Variants in BRSK2 observed in about 807,000 individuals in gnomAD.
The protein encoded by BRSK2 is serine/threonine-protein kinase BRSK2.
Under a neutral mutation model 83.3 loss-of-function variants are expected in BRSK2, and 19 were observed. The ratio of observed to expected loss-of-function variants is 0.23; its 90% CI spans 0.16 to 0.33. BRSK2 has a LOEUF of 0.33. Ranked by LOEUF, BRSK2 falls within the 10% of genes least tolerant of loss-of-function variation. The pLI, the probability that BRSK2 is intolerant of heterozygous loss-of-function variation, is 1.00. For missense variants in BRSK2, 798 were observed against 1,042.3 expected, an observed-to-expected ratio of 0.77 and a Z score of 3.23; for synonymous variants, 519 against 435.4, an observed-to-expected ratio of 1.19 and a Z score of -2.39.
chr11:1,448,600 C>T (rs368088983), intron 12 of BRSK2, among the ~76,000 whole-genome samples: 27 of 152,298 alleles, frequency 1.8e-4, no homozygotes, highest in South Asian at 1.7e-3. Flanking sequence ...GAGCTCTGGG[C>T]GGGCTCGACA....
At chr11:1,400,768 G>A (rs1477789710) in intron 1 of BRSK2, among the ~76,000 whole-genome samples, 4 of 152,214 alleles carry the variant, frequency 2.6e-5, no homozygotes, top group East Asian at 3.9e-4. Flanking sequence ...TGGGCCCTGC[G>A]GCCACCCACC....
intron 9 of BRSK2, 48 bp downstream of exon 9, chr11:1,445,050 G>A (rs1355214897): frequency 3.8e-6 from 6 of 1,594,900 alleles, no homozygotes; most frequent in East Asian, 2.2e-5. Flanking sequence ...CTGTTGCTGT[G>A]GCCTGGAGGC....
intron 1 of BRSK2, among the ~76,000 whole-genome samples, chr11:1,411,821 C>G (rs1367874634): frequency 6.6e-6 from 1 of 152,230 alleles, no homozygotes; most frequent in Non-Finnish European, 1.5e-5. Flanking sequence ...GGCGCCTGCC[C>G]CTATGTGGAG....
In BRSK2 at chr11:1,454,709, C is replaced by T. The variant is rs756693941; in HGVS notation, c.1668+101C>T. 5.6e-5 allele frequency: 81 copies of T among 1,445,678 alleles called. No individual in the cohort carries two copies. The East Asian group carries it at 8.5e-4, about 15-fold the overall frequency. The allele number at this position is 1,445,678 out of a possible 1,614,324, so 89.6% of individuals were successfully genotyped here. A position where few individuals can be genotyped will look rare whatever the true frequency, so the allele number is the denominator to read the frequency against. On this transcript the variant is annotated intron_variant, in intron 16 of 19. Coordinates refer to ENST00000528841, the MANE Select transcript of BRSK2 (RefSeq NM_001256627.2). This position sits in a 1 kb window ranked among gnomAD's most constrained non-coding sequence, Gnocchi z 5.2. Reference sequence around the variant, plus strand: ...CTCACGTAGACAGGACATGTCCACGCGCACAGCACGGACGTCCGCTCACCC... The same window carrying T: ...CTCACGTAGACAGGACATGTCCACGTGCACAGCACGGACGTCCGCTCACCC...
rs1235675142 is a variant in BRSK2, at chr11:1,443,318, G to A, written c.565-17G>A. 6.2e-7 allele frequency: 1 copy of A among 1,601,726 alleles called. No homozygotes were observed. The highest frequency in any genetic ancestry group is 1.3e-5 in the African/African-American group (1 of 74,710). ...CTGCCCTGCGCCCCCCAACAGCCCGGGCACTGCTGTCCACAGGGGGAGAAG... is the reference window on the plus strand; with the variant it reads ...CTGCCCTGCGCCCCCCAACAGCCCGAGCACTGCTGTCCACAGGGGGAGAAG... On this transcript the variant is annotated splice_polypyrimidine_tract_variant and intron_variant, in intron 6 of 19. Coordinates refer to ENST00000528841, the MANE Select transcript of BRSK2 (RefSeq NM_001256627.2).
At chr11:1,443,725 G>C in intron 8 of BRSK2, 90 bp downstream of exon 8, 2 of 1,396,846 alleles carry the variant, frequency 1.4e-6, no homozygotes, top group Non-Finnish European at 1.9e-6. Flanking sequence ...TGTGTGCCCA[G>C]ACGTGTGGGC....
At chr11:1,399,824 G>T (rs1302948777) in intron 1 of BRSK2, among the ~76,000 whole-genome samples, 1 of 152,194 alleles carries the variant, frequency 6.6e-6, no homozygotes, top group Non-Finnish European at 1.5e-5. Context: ...GCACCCTGGG[G>T]TGTGTCGTGG....
intron 12 of BRSK2, 146 bp downstream of exon 12, chr11:1,446,053 C>T: frequency 3.9e-6 from 1 of 253,974 alleles, no homozygotes; most frequent in Non-Finnish European, 6.2e-6. Context: ...CTTAGCTGGG[C>T]TGGGCTGGGC....
At chr11:1,400,695 C>G (rs1443222457) in intron 1 of BRSK2, among the ~76,000 whole-genome samples, 1 of 152,184 alleles carries the variant, frequency 6.6e-6, no homozygotes, top group African/African-American at 2.4e-5. Flanking sequence ...GGGCCCCTGT[C>G]AGCTGTGTTC....
chr11:1,457,124 C>T, intron 18 of BRSK2: 1 of 1,320,408 alleles, frequency 7.6e-7, no homozygotes. Flanking sequence ...TGGCCCTGAG[C>T]AGGGCCCTCC....
intron 7 of BRSK2, 28 bp downstream of exon 7, chr11:1,443,431 C>T (rs1296955846): frequency 1.2e-5 from 19 of 1,584,802 alleles, no homozygotes; most frequent in Non-Finnish European, 1.5e-5. Context: ...TCAACCCTGC[C>T]CTGGCCTCTC....
At chr11:1,396,446 C>T (rs1846125186) in intron 1 of BRSK2, among the ~76,000 whole-genome samples, 1 of 152,200 alleles carries the variant, frequency 6.6e-6, no homozygotes, top group African/African-American at 2.4e-5. Flanking sequence ...CGGGCCCTCT[C>T]ATCATGGCCT....
At chr11:1,443,031 C>T (rs1180688769) in intron 5 of BRSK2, 75 bp from the exon 6 acceptor site, 25 of 1,475,328 alleles carry the variant, frequency 1.7e-5, no homozygotes, top group Admixed American at 4.4e-5. Context: ...GAGGGCCCTG[C>T]GGTGCACCAT....
intron 1 of BRSK2, among the ~76,000 whole-genome samples, chr11:1,397,220 A>G (rs12808343): frequency 0.23 from 35,528 of 152,192 alleles, 4,467 homozygotes; most frequent in East Asian, 0.41. Context: ...GCCTCACCCC[A>G]GGGATGTCCG....
chr11:1,447,701 G>A lies in BRSK2; in HGVS notation c.1226+1794G>A, dbSNP rs894752157. Reference sequence around the variant, plus strand: ...CTTTGTGCAGCGGCCTCAGAGCCACGTGGAGTTCTTACCCGGTGTGGCCCG... The same window carrying A: ...CTTTGTGCAGCGGCCTCAGAGCCACATGGAGTTCTTACCCGGTGTGGCCCG... On this transcript the variant is annotated intron_variant, in intron 12 of 19. Coordinates refer to ENST00000528841, the MANE Select transcript of BRSK2 (RefSeq NM_001256627.2). 129 of 1,131,148 alleles carry A rather than the reference G, an allele frequency of 1.1e-4. 1 individual carries two copies. Among genetic ancestry groups the A allele is most frequent in the Non-Finnish European group, 1.6e-4 (123 of 777,348 alleles). The allele number at this position is 1,131,148 out of a possible 1,614,324, so 70.1% of individuals were successfully genotyped here. A position where few individuals can be genotyped will look rare whatever the true frequency, so the allele number is the denominator to read the frequency against.
intron 12 of BRSK2, among the ~76,000 whole-genome samples, chr11:1,448,085 C>T (rs977278917): frequency 7.9e-5 from 12 of 152,278 alleles, no homozygotes; most frequent in South Asian, 2.1e-4. Context: ...TGAGGGACCA[C>T]GCACCATGGC....
intron 1 of BRSK2, among the ~76,000 whole-genome samples, chr11:1,403,356 C>T (rs555604537): frequency 5.3e-5 from 8 of 152,340 alleles, no homozygotes; most frequent in Admixed American, 3.3e-4. Context: ...ACTGGCTCAC[C>T]GGTCACTGTG....
chr11:1,435,855 C>T (rs1172544002), intron 1 of BRSK2, among the ~76,000 whole-genome samples, 185 bp from the exon 2 acceptor site: 3 of 151,580 alleles, frequency 2.0e-5, no homozygotes, highest in Non-Finnish European at 4.4e-5. Flanking sequence ...TTTGCAGGGG[C>T]AGCGTGACGC....
At chr11:1,437,722 AC>A (rs960983306) in intron 2 of BRSK2, among the ~76,000 whole-genome samples, 3 of 152,202 alleles carry the variant, frequency 2.0e-5, no homozygotes, top group Admixed American at 2.0e-4. Context: ...TGAGGCCTCC[AC>A]CGTAAGGAAG....
Sources: allele counts gnomAD v4.1 joint callset (sites outside exome capture counted in the v4.1 genomes callset), GRCh38; gene constraint gnomAD v4.1.1; non-coding constraint Gnocchi (gnomAD v3.1); transcripts MANE v1.5; gene names NCBI Gene and HGNC (gene_info 2026-07-23, HGNC 2026-07-21).